The following TGFB1 variants were observed in gnomAD, a reference collection of about 807,000 sequenced individuals.
TGFB1 encodes transforming growth factor beta 1, also known as transforming growth factor beta-1 proprotein.
TGFB1 carries 19 observed loss-of-function variants against 43.8 expected under a neutral mutation model. The observed-to-expected ratio is 0.43, with a 90% CI of 0.30 to 0.64. TGFB1 has a LOEUF of 0.64. Ranked by LOEUF, TGFB1 falls within the 30% of genes least tolerant of loss-of-function variation. TGFB1 has a pLI of 0.11. For missense variants in TGFB1, 445 were observed against 529.8 expected (o/e 0.84, Z 1.57); for synonymous variants, 221 against 236.3 (o/e 0.94, Z 0.60).
chr19:41,341,411 G>A (rs2038053158), intron 5 of TGFB1, among the ~76,000 whole-genome samples: 2 of 120,734 alleles, frequency 1.7e-5, no homozygotes, highest in African/African-American at 6.5e-5. Flanking sequence ...AGCTTGCAGT[G>A]AATCAAGATA....
chr19:41,338,287 A>C (rs1339704242), intron 5 of TGFB1, among the ~76,000 whole-genome samples: 1 of 151,578 alleles, frequency 6.6e-6, no homozygotes, highest in Non-Finnish European at 1.5e-5. Context: ...TGAGGTCAGG[A>C]GTTCAAGACC....
chr19:41,343,249 C>A (rs1267166922), intron 3 of TGFB1, among the ~76,000 whole-genome samples: 2 of 152,038 alleles, frequency 1.3e-5, no homozygotes, highest in Non-Finnish European at 2.9e-5. Flanking sequence ...ATTCTCCTGC[C>A]TCAGCCTCCC....
chr19:41,353,302 C>T lies in TGFB1; in HGVS notation c.-258G>A, dbSNP rs200500159. On this transcript the variant is annotated 5_prime_UTR_variant, in exon 1 of 7. Transcript: ENST00000221930. This position sits in a 1 kb window ranked among gnomAD's most constrained non-coding sequence, Gnocchi z 5.9. ...GTGGTCTTGAATAGGGGATCTGTGG[C>T]AGGTCGGAGAGAGATCCGTCTCCTG... 7 of 479,988 alleles carry T rather than the reference C, an allele frequency of 1.5e-5. No individual in the cohort carries two copies. Among genetic ancestry groups the T allele is most frequent in the Admixed American group, 3.9e-5 (1 of 25,660 alleles). The allele number at this position is 479,988 out of a possible 1,614,324, so 29.7% of individuals were successfully genotyped here.
intron 5 of TGFB1, among the ~76,000 whole-genome samples, chr19:41,333,561 A>G (rs569183304): frequency 4.6e-5 from 7 of 152,160 alleles, no homozygotes; most frequent in Admixed American, 1.3e-4. Context: ...CGGTCTCACT[A>G]TGTTGCTGAG....
At chr19:41,350,478 T>C (rs2038174970) in intron 1 of TGFB1, among the ~76,000 whole-genome samples, 2 of 152,040 alleles carry the variant, frequency 1.3e-5, no homozygotes, top group Middle Eastern at 3.2e-3. Flanking sequence ...CAGCTAATTT[T>C]TGTATTTTTA....
chr19:41,348,417 A>G lies in TGFB1; in HGVS notation c.394T>C (p.Tyr132His), dbSNP rs2038142453. ...DKFKQSTHSI[Y>H]MFFNTSELRE... ...AGCTCTGATGTGTTGAAGAACATAT[A>G]TATGCTGTGTGTACTCTGCTTGAAC... The change falls in exon 2 of 7, where the codon TAT becomes CAT. Residue 132 changes from tyrosine to histidine, a missense_variant. Coordinates refer to ENST00000221930, the MANE Select transcript of TGFB1 (RefSeq NM_000660.7). 1 of 1,612,996 alleles carries G rather than the reference A, an allele frequency of 6.2e-7. No individual in the cohort carries two copies. Among genetic ancestry groups the G allele is most frequent in the East Asian group, 2.2e-5 (1 of 44,810 alleles).
intron 6 of TGFB1, 114 bp from the exon 7 acceptor site, chr19:41,331,324 C>A (rs931125182): frequency 7.9e-7 from 1 of 1,264,886 alleles, no homozygotes; most frequent in South Asian, 1.6e-5. Context: ...CGTCTCTCCC[C>A]GCATCCCCTC....
chr19:41,337,064 T>C (rs1184904431), intron 5 of TGFB1, among the ~76,000 whole-genome samples: 2 of 152,028 alleles, frequency 1.3e-5, no homozygotes, highest in African/African-American at 4.8e-5. Context: ...TTCAAGTGAT[T>C]CTCCTGCCTC....
intron 5 of TGFB1, among the ~76,000 whole-genome samples, chr19:41,333,111 C>G (rs11466356): frequency 2.6e-5 from 4 of 151,946 alleles, no homozygotes; most frequent in Non-Finnish European, 5.9e-5. Context: ...AGTCTTATTT[C>G]GGGGCTCCTG....
chr19:41,345,774 C>T lies in TGFB1; in HGVS notation c.517-910G>A, dbSNP rs984777096. Reference sequence around the variant, plus strand: ...AAAATTAGCCAGGCGTGGTGGCACACGCCTGTAATCCCAGCTACTCAGGAG... The same window carrying T: ...AAAATTAGCCAGGCGTGGTGGCACATGCCTGTAATCCCAGCTACTCAGGAG... On this transcript the variant is annotated intron_variant, in intron 2 of 6. Coordinates refer to ENST00000221930, the MANE Select transcript of TGFB1 (RefSeq NM_000660.7). Among the ~76,000 whole-genome samples the T allele has an allele frequency of 1.7e-4, 26 of 151,858 alleles. 1 individual carries two copies. Among genetic ancestry groups the T allele is most frequent in the African/African-American group, 5.3e-4 (22 of 41,390 alleles).
In TGFB1 at chr19:41,349,618, A is replaced by G. The variant is rs145673619; in HGVS notation, c.356-1163T>C. The stretch of plus-strand genomic sequence containing the variant: ...CTAAAAATACAAAAATTGGCCAGGC[A>G]TGGTGCCGGACGGCTCTAATCCCAG... On this transcript the variant is annotated intron_variant, in intron 1 of 6. Transcript: ENST00000221930. Among the ~76,000 whole-genome samples, 1,050 of 152,222 alleles carry G rather than the reference A, an allele frequency of 6.9e-3. 8 individuals carry two copies. Among genetic ancestry groups the G allele is most frequent in the African/African-American group, 0.022 (924 of 41,530 alleles).
chr19:41,347,340 T>G (rs2038127295), intron 2 of TGFB1, among the ~76,000 whole-genome samples: 1 of 152,186 alleles, frequency 6.6e-6, no homozygotes, highest in African/African-American at 2.4e-5. Flanking sequence ...TTTAATTTAA[T>G]TTTAAACAAT....
At chr19:41,339,693 A>ACG (rs2038031477) in intron 5 of TGFB1, among the ~76,000 whole-genome samples, 1 of 152,066 alleles carries the variant, frequency 6.6e-6, no homozygotes, top group Admixed American at 6.6e-5. Flanking sequence ...GTGTGGTGGC[A>ACG]CACGCCTGTA....
chr19:41,352,119 C>T (rs1442789268), intron 1 of TGFB1, among the ~76,000 whole-genome samples: 1 of 152,002 alleles, frequency 6.6e-6, no homozygotes, highest in African/African-American at 2.4e-5. Context: ...CTCCCCCACC[C>T]CCGCATCCCG....
At chr19:41,338,554 T>C (rs1042281996) in intron 5 of TGFB1, among the ~76,000 whole-genome samples, 5 of 150,454 alleles carry the variant, frequency 3.3e-5, no homozygotes, top group African/African-American at 4.9e-5. Context: ...ATATGTATTA[T>C]TCGGCCGGGA....
At chr19:41,332,393 TC>T in intron 5 of TGFB1, 112 bp from the exon 6 acceptor site, 2 of 1,240,846 alleles carry the variant, frequency 1.6e-6, no homozygotes, top group Non-Finnish European at 2.3e-6. Flanking sequence ...CAGCCCTATC[TC>T]CATCTGGGTC....
intron 2 of TGFB1, among the ~76,000 whole-genome samples, chr19:41,345,310 A>G (rs1422286438): frequency 6.6e-6 from 1 of 151,780 alleles, no homozygotes; most frequent in Admixed American, 6.6e-5. Context: ...CAGCCTGGCC[A>G]ACATAGTGAA....
In TGFB1 at chr19:41,351,407, G is replaced by A. The variant is rs953838543; in HGVS notation, c.355+1283C>T. ...CGGCTGAGTGGGAGCCCCGCCCGTA[G>A]CTGGGGTGAGGAGGGCGGGAGGCGC... On this transcript the variant is annotated intron_variant, in intron 1 of 6. Coordinates refer to ENST00000221930, the MANE Select transcript of TGFB1 (RefSeq NM_000660.7). 2.6e-5 allele frequency among the ~76,000 whole-genome samples: 4 copies of A among 152,352 alleles called. No homozygotes were observed. The South Asian group carries it at 8.3e-4, about 32-fold the overall frequency.
At position 41,331,087 on chromosome 19, in the gene TGFB1, A is replaced by G. The variant is rs1455791467; in HGVS notation, c.1138T>C (p.Ser380Pro). 1.9e-6 allele frequency: 3 copies of G among 1,585,808 alleles called. No individual in the cohort carries two copies. Among genetic ancestry groups the G allele is most frequent in the Non-Finnish European group, 2.6e-6 (3 of 1,168,176 alleles). Residue 380 changes from serine (S) to proline (P), a missense_variant, in exon 7 of 7, where the codon TCC becomes CCC. Physicochemically the swap from Ser to Pro is moderately conservative, Grantham distance 74 (BLOSUM62 -1). Around this residue, in one of 3 missense-constraint regions of TGFB1, gnomAD observed 56 missense variants for 46.9 expected, o/e 1.19. Transcript: ENST00000221930. ...TTGCAGGAGCGCACGATCATGTTGG[A>G]CAGCTGCTCCACCTTGGGCTTGCGG... ...VGRKPKVEQL[S>P]NMIVRSCKCS
Sources: allele counts gnomAD v4.1 joint callset (sites outside exome capture counted in the v4.1 genomes callset), GRCh38; gene constraint gnomAD v4.1.1; regional missense constraint gnomAD v4.1.1; non-coding constraint Gnocchi (gnomAD v3.1); transcripts MANE v1.5; gene names NCBI Gene and HGNC (gene_info 2026-07-23, HGNC 2026-07-21).